The following MARCHF1 variants were observed in gnomAD, a reference collection of about 807,000 sequenced individuals.
MARCHF1 encodes the protein E3 ubiquitin-protein ligase MARCHF1.
A neutral mutation model predicts 54.2 loss-of-function variants in MARCHF1; 40 were observed. That is an observed-to-expected ratio of 0.74 (90% CI 0.57 to 0.96). The LOEUF is 0.96. MARCHF1 is among the 40% of genes least tolerant of loss of function. The pLI, the probability that MARCHF1 is intolerant of heterozygous loss-of-function variation, is 0.00. For synonymous variants in MARCHF1, 236 were observed against 236.3 expected, an observed-to-expected ratio of 1.00 and a Z score of 0.01; for missense variants, 586 against 656.5, an observed-to-expected ratio of 0.89 and a Z score of 1.17.
Position 163,527,567 on chromosome 4 carries a change from G to A in MARCHF1, c.*1181C>T, listed in dbSNP as rs1738161982. 6.6e-6 allele frequency: 1 copy of A among 152,014 alleles called. No individual in the cohort carries two copies. The highest frequency in any genetic ancestry group is 6.6e-5 in the Admixed American group (1 of 15,220). The allele number at this position is 152,014 out of a possible 1,614,324, so 9.4% of individuals were successfully genotyped here. On this transcript the variant is annotated 3_prime_UTR_variant, in exon 10 of 10. Transcript: ENST00000514618. ...TTTTGGATTTTTACCCTTTAGAGATGTGAACTTCATCTGACTTTAAAATGA... is the reference window on the plus strand; with the variant it reads ...TTTTGGATTTTTACCCTTTAGAGATATGAACTTCATCTGACTTTAAAATGA...
At chr4:164,130,879 C>CT (rs1560918741) in intron 1 of MARCHF1, among the ~76,000 whole-genome samples, 1 of 152,072 alleles carries the variant, frequency 6.6e-6, no homozygotes, top group Non-Finnish European at 1.5e-5. Flanking sequence ...TTTTCTCTTC[C>CT]CATTACATGT....
At chr4:163,639,784 A>T (rs1742487714) in intron 5 of MARCHF1, among the ~76,000 whole-genome samples, 1 of 152,130 alleles carries the variant, frequency 6.6e-6, no homozygotes. Flanking sequence ...AGTAAGATCT[A>T]ATAAGGAGGA....
At chr4:163,767,287 G>C (rs574962579) in intron 4 of MARCHF1, among the ~76,000 whole-genome samples, 1 of 150,300 alleles carries the variant, frequency 6.7e-6, no homozygotes, top group South Asian at 2.1e-4. Context: ...GTTCTGCCTA[G>C]TTATCAACAG....
At chr4:163,669,386 A>G (rs1743649849) in intron 5 of MARCHF1, among the ~76,000 whole-genome samples, 1 of 152,112 alleles carries the variant, frequency 6.6e-6, no homozygotes, top group African/African-American at 2.4e-5. Flanking sequence ...ATAATTTGAA[A>G]TTTGAAATGA....
chr4:164,303,639 C>T (rs761722595), intron 1 of MARCHF1, among the ~76,000 whole-genome samples: 1 of 152,092 alleles, frequency 6.6e-6, no homozygotes, highest in Non-Finnish European at 1.5e-5. Flanking sequence ...TATTGTGTCA[C>T]TTTGTAAGGA....
chr4:164,046,259 G>T (rs1435429815), intron 2 of MARCHF1, among the ~76,000 whole-genome samples: 4 of 152,182 alleles, frequency 2.6e-5, no homozygotes, highest in African/African-American at 9.7e-5. Context: ...GTCCAAGAGG[G>T]AGACACTATT....
At chr4:164,061,983 T>C (rs1398578994) in intron 2 of MARCHF1, among the ~76,000 whole-genome samples, 1 of 152,196 alleles carries the variant, frequency 6.6e-6, no homozygotes, top group Non-Finnish European at 1.5e-5. Flanking sequence ...TATTCTGTAG[T>C]ATGTGTTTGA....
At chr4:164,311,911 A>G (rs79662076) in intron 1 of MARCHF1, among the ~76,000 whole-genome samples, 2,206 of 152,284 alleles carry the variant, frequency 0.014, 68 homozygotes, top group East Asian at 0.12. Flanking sequence ...AATGTTTTGA[A>G]CGATTCTCTC....
intron 2 of MARCHF1, among the ~76,000 whole-genome samples, chr4:164,067,384 C>T (rs1754753058): frequency 6.6e-6 from 1 of 152,066 alleles, no homozygotes; most frequent in South Asian, 2.1e-4. Flanking sequence ...CAGAAGCAGA[C>T]ATGTAGACCA....
intron 4 of MARCHF1, among the ~76,000 whole-genome samples, chr4:163,767,066 C>T (rs1746997931): frequency 7.4e-6 from 1 of 135,906 alleles, no homozygotes; most frequent in Non-Finnish European, 1.5e-5. Context: ...GTACATGCTG[C>T]TGTCTTTTTT....
intron 2 of MARCHF1, among the ~76,000 whole-genome samples, chr4:164,082,950 T>A (rs1374037092): frequency 6.6e-6 from 1 of 152,206 alleles, no homozygotes; most frequent in Non-Finnish European, 1.5e-5. Context: ...ATCTCAAATC[T>A]CAAACCCCTT....
rs146864993 is a variant in MARCHF1 at position 164,159,825 on chromosome 4, C to T, written c.-322-48163G>A. 8.9e-4 allele frequency among the ~76,000 whole-genome samples: 136 copies of T among 152,160 alleles called. 2 individuals are homozygous for T. In the East Asian group the frequency reaches 0.024, roughly 27 times the overall value. ...TTTAGACTCAGCATTGGAGCTAAACCGCCACTTAAAAGCTGCCTGACTCCA... is the reference window on the plus strand; with the variant it reads ...TTTAGACTCAGCATTGGAGCTAAACTGCCACTTAAAAGCTGCCTGACTCCA... On this transcript the variant is annotated intron_variant, in intron 1 of 9. Transcript: ENST00000514618.
chr4:163,563,680 T>C (rs1296984179), intron 8 of MARCHF1, among the ~76,000 whole-genome samples: 3 of 152,206 alleles, frequency 2.0e-5, no homozygotes, highest in Non-Finnish European at 4.4e-5. Flanking sequence ...AGTTTTCTCA[T>C]TTGTGACACT....
chr4:163,957,658 A>G (rs1752256946), intron 3 of MARCHF1, among the ~76,000 whole-genome samples: 1 of 151,928 alleles, frequency 6.6e-6, no homozygotes. Context: ...TTGTTTCCTG[A>G]TAAGGAAATA....
chr4:163,699,213 A>T (rs986495364), intron 5 of MARCHF1, among the ~76,000 whole-genome samples: 5 of 152,186 alleles, frequency 3.3e-5, no homozygotes, highest in Non-Finnish European at 7.4e-5. Flanking sequence ...ACAATTCTCT[A>T]TGTGTCTGTC....
Position 163,828,054 on chromosome 4 carries a change from C to CAG in MARCHF1, c.111+25965_111+25966dup, listed in dbSNP as rs58684554. Among the ~76,000 whole-genome samples, 292 of 148,308 alleles carry CAG rather than the reference C, an allele frequency of 2.0e-3. 4 individuals carry two copies. Among genetic ancestry groups the CAG allele is most frequent in the African/African-American group, 6.4e-3 (259 of 40,300 alleles). ...ACACACACACACACACACACACACACAGACACACCTTGTCATTCTCCTCCT... is the reference window on the plus strand; with the variant it reads ...ACACACACACACACACACACACACACAGAGACACACCTTGTCATTCTCCTCCT... On this transcript the variant is annotated intron_variant, in intron 4 of 9. Coordinates refer to ENST00000514618, the MANE Select transcript of MARCHF1 (RefSeq NM_001394959.1).
intron 2 of MARCHF1, among the ~76,000 whole-genome samples, chr4:164,085,232 A>G (rs760906195): frequency 2.6e-5 from 4 of 151,866 alleles, no homozygotes; most frequent in African/African-American, 7.2e-5. Context: ...AATTCTATTT[A>G]TAAGTCTTCA....
chr4:163,545,805 T>G (rs1468378584), intron 8 of MARCHF1, 62 bp from the exon 9 acceptor site: 3 of 1,488,552 alleles, frequency 2.0e-6, no homozygotes, highest in East Asian at 4.5e-5. Context: ...GCTCCTCTTT[T>G]ATTTCCCAGA....
At chr4:164,309,990 T>G (rs1169486298) in intron 1 of MARCHF1, among the ~76,000 whole-genome samples, 4 of 152,082 alleles carry the variant, frequency 2.6e-5, no homozygotes, top group Non-Finnish European at 5.9e-5. Context: ...GTTCCTTTTT[T>G]TTAATTAAAA....
Sources: gnomAD v4.1 joint callset for allele counts (sites outside exome capture counted in the v4.1 genomes callset) on GRCh38, gnomAD v4.1.1 for gene constraint, MANE v1.5 for transcripts, NCBI Gene and HGNC (gene_info 2026-07-23, HGNC 2026-07-21) for gene names.